The following MAP4 variants were observed in gnomAD, a reference collection of about 807,000 sequenced individuals.
MAP4 encodes the protein microtubule associated protein 4.
In MAP4, 76 loss-of-function variants were observed where a neutral mutation model predicts 170.2. The observed-to-expected ratio is 0.45, with a 90% CI of 0.37 to 0.54. The LOEUF (loss-of-function observed/expected upper bound fraction) is 0.54, where lower values mean the gene tolerates loss of function less well. MAP4 is among the 20% of genes least tolerant of loss of function. MAP4 has a pLI of 0.00. For synonymous variants in MAP4, 909 were observed against 994.5 expected (o/e 0.91, Z 1.62); for missense variants, 2,506 against 2,748.0 (o/e 0.91, Z 1.97).
intron 17 of MAP4, among the ~76,000 whole-genome samples, chr3:47,861,712 A>C (rs941788903): frequency 3.9e-5 from 6 of 152,050 alleles, no homozygotes; most frequent in Non-Finnish European, 7.4e-5. Flanking sequence ...CCCAAAAGTT[A>C]GCAGGGCATG....
chr3:47,961,476 A>G (rs570332244), intron 3 of MAP4, among the ~76,000 whole-genome samples: 3 of 152,328 alleles, frequency 2.0e-5, no homozygotes, highest in East Asian at 3.9e-4. Context: ...AGGTAGAAAC[A>G]TAAGAGTTTC....
intron 2 of MAP4, among the ~76,000 whole-genome samples, chr3:47,992,837 G>A (rs2100093162): frequency 6.6e-6 from 1 of 150,930 alleles, no homozygotes; most frequent in South Asian, 2.1e-4. Flanking sequence ...ACAGGAGGTA[G>A]AGGTTGCAGT....
chr3:48,061,825 T>G lies in MAP4; in HGVS notation c.-20+26948A>C, dbSNP rs796643437. 1.1e-3 allele frequency among the ~76,000 whole-genome samples: 151 copies of G among 135,454 alleles called. 1 individual carries two copies. In the South Asian group the frequency reaches 0.017, roughly 15 times the overall value. The allele number at this position is 135,454 out of a possible 152,430, so 88.9% of individuals were successfully genotyped here. The stretch of plus-strand genomic sequence containing the variant: ...AGCCCCCACCCGGCCAGCCGCCCCA[T>G]CCGGGAGGGAGGTGGGGGGCAGCCC... On this transcript the variant is annotated intron_variant, in intron 1 of 18. Transcript: ENST00000360240.
Position 48,087,456 on chromosome 3 carries a change from T to A in MAP4, c.-20+1317A>T, listed in dbSNP as rs529031092. Among the ~76,000 whole-genome samples, 6 of 152,134 alleles carry A rather than the reference T, an allele frequency of 3.9e-5. No individual in the cohort carries two copies. The South Asian group carries it at 1.0e-3, about 26-fold the overall frequency. On this transcript the variant is annotated intron_variant, in intron 1 of 18. Coordinates refer to the MAP4 transcript ENST00000360240. ...TCTTTGGGCTGATGACTGGGCAGTG[T>A]TACCCCAAAGGCCTAGAGCAGCTGT...
chr3:47,997,253 A>G (rs2100096265), intron 2 of MAP4, among the ~76,000 whole-genome samples: 1 of 150,630 alleles, frequency 6.6e-6, no homozygotes, highest in Non-Finnish European at 1.5e-5. Flanking sequence ...TCAAAAGCAC[A>G]GATCAAGAAG....
At position 47,871,931 on chromosome 3, in the gene MAP4, G is replaced by C. The variant is rs774507489; in HGVS notation, c.5927C>G (p.Pro1976Arg). ...GCAATACTCACCAGTGGGCTTCTTG[G>C]GCAGGAGCGTGGAGGGGCTCCTACT... is the stretch of plus-strand genomic sequence containing the variant. ...PSSRSPSTLL[P>R]KKPTAIKTEG... The change falls in exon 13 of 21, where the codon CCC becomes CGC. Residue 1976 changes from proline to arginine, a missense_variant. Transcript: ENST00000683076. 1.2e-6 allele frequency: 2 copies of C among 1,611,792 alleles called. No homozygotes were observed. The highest frequency in any genetic ancestry group is 4.5e-5 in the East Asian group (2 of 44,800).
At chr3:47,899,472 C>T (rs1038130961) in intron 10 of MAP4, among the ~76,000 whole-genome samples, 2 of 152,178 alleles carry the variant, frequency 1.3e-5, no homozygotes, top group African/African-American at 2.4e-5. Context: ...TACTCACTCA[C>T]CTCTGCAAAG....
At chr3:47,894,325 G>C (rs1175706995) in intron 10 of MAP4, among the ~76,000 whole-genome samples, 4 of 152,242 alleles carry the variant, frequency 2.6e-5, no homozygotes, top group African/African-American at 4.8e-5. Context: ...GCTCACGCCT[G>C]TAATCCCAGC....
chr3:48,088,107 T>C (rs1237644672), intron 1 of MAP4, among the ~76,000 whole-genome samples: 5 of 152,186 alleles, frequency 3.3e-5, no homozygotes, highest in Non-Finnish European at 4.4e-5. Context: ...ACTTGTTCCA[T>C]GTGCTAAATC....
intron 1 of MAP4, among the ~76,000 whole-genome samples, chr3:48,060,129 A>G (rs916477666): frequency 2.0e-5 from 3 of 152,196 alleles, no homozygotes; most frequent in African/African-American, 7.2e-5. Flanking sequence ...TTTCATCACC[A>G]AAAGGTACCT....
chr3:48,016,742 C>A, upstream of MAP4, among the ~76,000 whole-genome samples: 1 of 151,520 alleles, frequency 6.6e-6, no homozygotes, highest in Non-Finnish European at 1.5e-5. Context: ...TAATCTATAC[C>A]AATCCAAAAA....
Position 47,998,637 on chromosome 3 carries a change from C to A in MAP4, c.223+1G>T. The A allele has an allele frequency of 2.5e-6, 4 of 1,611,820 alleles. No homozygotes were observed. Among genetic ancestry groups the A allele is most frequent in the Non-Finnish European group, 3.4e-6 (4 of 1,178,004 alleles). On this transcript the variant is annotated splice_donor_variant, in intron 2 of 20. Transcript: ENST00000683076. LOFTEE classifies it high-confidence loss of function. Reference sequence around the variant, plus strand: ...ATAAGCAGTCTGGTTTAAATACTTACCTTCAATCTGGCTAGTTTCTGAGCA... The same window carrying A: ...ATAAGCAGTCTGGTTTAAATACTTAACTTCAATCTGGCTAGTTTCTGAGCA...
intron 17 of MAP4, among the ~76,000 whole-genome samples, chr3:47,858,256 G>T (rs1178350144): frequency 6.6e-6 from 1 of 151,298 alleles, no homozygotes; most frequent in Non-Finnish European, 1.5e-5. Context: ...CAGGTGATCC[G>T]CCTGCCTCAG....
intron 3 of MAP4, among the ~76,000 whole-genome samples, chr3:47,937,363 G>A (rs1224776720): frequency 6.6e-6 from 1 of 152,136 alleles, no homozygotes; most frequent in East Asian, 1.9e-4. Context: ...AGGTTCACAA[G>A]TGGCATATAC....
At chr3:47,965,479 T>A (rs1225461039) in intron 3 of MAP4, among the ~76,000 whole-genome samples, 1 of 152,246 alleles carries the variant, frequency 6.6e-6, no homozygotes, top group Admixed American at 6.5e-5. Context: ...GCCACCATAC[T>A]ATTTTCCATA....
intron 2 of MAP4, chr3:47,987,364 A>C: frequency 6.6e-7 from 1 of 1,522,322 alleles, no homozygotes; most frequent in East Asian, 2.4e-5. Flanking sequence ...AGGAAAGTTC[A>C]GGGAAGAAAA....
intron 1 of MAP4, among the ~76,000 whole-genome samples, chr3:48,039,079 G>A (rs2100120312): frequency 6.6e-6 from 1 of 152,076 alleles, no homozygotes; most frequent in Admixed American, 6.6e-5. Flanking sequence ...ACTCCAGCCT[G>A]GGAGACAGAG....
intron 1 of MAP4, among the ~76,000 whole-genome samples, chr3:48,066,712 C>G (rs1272091054): frequency 6.7e-6 from 1 of 148,850 alleles, no homozygotes; most frequent in South Asian, 2.2e-4. Context: ...CTCAGATTTT[C>G]TTATCTGCAG....
intron 1 of MAP4, among the ~76,000 whole-genome samples, chr3:48,063,304 G>C (rs963434314): frequency 4.6e-5 from 7 of 151,758 alleles, no homozygotes; most frequent in Admixed American, 2.0e-4. Flanking sequence ...AGGTGAGCTG[G>C]AATCACCTAT....
Sources: gnomAD v4.1 joint callset for allele counts (sites outside exome capture counted in the v4.1 genomes callset) on GRCh38, gnomAD v4.1.1 for gene constraint, MANE v1.5 for transcripts, NCBI Gene and HGNC (gene_info 2026-07-23, HGNC 2026-07-21) for gene names.